EYS: variants seen among roughly 807,000 people sequenced by gnomAD.
EYS encodes the protein EGF-like photoreceptor maintenance factor, also known as protein eyes shut homolog.
In EYS, 250 loss-of-function variants were observed where a neutral mutation model predicts 282.1. The ratio of observed to expected loss-of-function variants is 0.89; its 90% CI spans 0.80 to 0.98. The LOEUF is 0.98. EYS is among the 50% of genes least tolerant of loss of function. The probability of loss-of-function intolerance (pLI) is 0.00; values close to 1 mark genes in which losing one functional copy is unlikely to be tolerated. For synonymous variants in EYS, 1,355 were observed against 1,282.9 expected (o/e 1.06, Z -1.20); for missense variants, 4,016 against 3,709.0 (o/e 1.08, Z -2.15).
chr6:65,561,072 G>T (rs1277355192), intron 2 of EYS, among the ~76,000 whole-genome samples: 4 of 152,000 alleles, frequency 2.6e-5, no homozygotes, highest in African/African-American at 9.7e-5. Flanking sequence ...GTATCTTGCG[G>T]ACAATACTAA....
chr6:63,904,519 T>C (rs1223055573), intron 35 of EYS, among the ~76,000 whole-genome samples: 1 of 152,152 alleles, frequency 6.6e-6, no homozygotes, highest in Non-Finnish European at 1.5e-5. Flanking sequence ...TCATCCTGGA[T>C]AATAGGGGAA....
rs1764656841 is a variant in EYS at position 64,813,445 on chromosome 6, G to T, written c.3376C>A (p.Leu1126Ile). The change falls in exon 22 of 43, where the codon CTT (leucine) becomes ATT (isoleucine). Residue 1126 changes from leucine to isoleucine, a missense_variant. Leu to Ile is a conservative substitution (Grantham distance 5). Transcript: ENST00000503581. Reference protein sequence around the residue: ...KSIDNCAEPELNSVICLNGGI... With the variant: ...KSIDNCAEPEINSVICLNGGI... ...CCATTAAGACAGATGACTGAATTAA[G>T]TTCAGGCTCAGCACAATTATCAATG... 1 of 1,550,266 alleles carries T rather than the reference G, an allele frequency of 6.5e-7. No homozygotes were observed. Among genetic ancestry groups the T allele is most frequent in the Non-Finnish European group, 8.7e-7 (1 of 1,146,166 alleles).
intron 12 of EYS, among the ~76,000 whole-genome samples, chr6:65,183,797 G>A (rs1279601623): frequency 6.6e-6 from 1 of 151,896 alleles, no homozygotes; most frequent in African/African-American, 2.4e-5. Flanking sequence ...ATTAGGGAAA[G>A]GTTAGGGAAA....
intron 11 of EYS, chr6:65,332,556 A>AAAC (rs1769835004): frequency 1.5e-6 from 1 of 652,914 alleles, no homozygotes; most frequent in South Asian, 2.1e-5. Flanking sequence ...CAGAGGGTTT[A>AAAC]TAGTGCTATA....
At chr6:64,569,199 C>T (rs1167145027) in intron 26 of EYS, among the ~76,000 whole-genome samples, 1 of 151,718 alleles carries the variant, frequency 6.6e-6, no homozygotes, top group Non-Finnish European at 1.5e-5. Context: ...TTCTTCAGAG[C>T]TAAAGGAGCA....
chr6:63,859,931 G>T (rs545040415), intron 36 of EYS, among the ~76,000 whole-genome samples: 1 of 152,254 alleles, frequency 6.6e-6, no homozygotes, highest in Admixed American at 6.5e-5. Context: ...GAAGAAAAGT[G>T]CTATGTAGTA....
Position 64,699,199 on chromosome 6 carries a change from T to G in EYS, c.3444-72954A>C, listed in dbSNP as rs147722787. Among the ~76,000 whole-genome samples, 79 of 152,260 alleles carry G rather than the reference T, an allele frequency of 5.2e-4. No individual in the cohort carries two copies. In the East Asian group the frequency reaches 0.01, roughly 20 times the overall value. On this transcript the variant is annotated intron_variant, in intron 22 of 42. Coordinates refer to ENST00000503581, the MANE Select transcript of EYS (RefSeq NM_001142800.2). ...AACATGGGTGGAGCTGGAGGCTTAT[T>G]ATACTTAGCAAACTAACACAGGAAC...
rs374079893 is a variant in EYS, at chr6:64,987,197, C to T, written c.2259+10385G>A. 3.3e-5 allele frequency among the ~76,000 whole-genome samples: 5 copies of T among 151,610 alleles called. No homozygotes were observed. In the South Asian group the frequency reaches 6.2e-4, roughly 19 times the overall value. On this transcript the variant is annotated intron_variant, in intron 14 of 42. Transcript: ENST00000503581. ...GTGGCTAAGTCCTATCACCTGTTAG[C>T]AGATGATTTCCGGAATCATCAGGTT... is the stretch of plus-strand genomic sequence containing the variant.
chr6:64,631,418 C>G (rs929767818), intron 22 of EYS: 1 of 152,180 alleles, frequency 6.6e-6, no homozygotes, highest in African/African-American at 2.4e-5. Context: ...TTCCCATAAT[C>G]ATTCTGCTAG....
intron 24 of EYS, among the ~76,000 whole-genome samples, chr6:64,594,746 C>A (rs1394103149): frequency 6.6e-6 from 1 of 150,650 alleles, no homozygotes; most frequent in East Asian, 2.0e-4. Flanking sequence ...TGCTAAATGA[C>A]GAGTTAATGG....
At chr6:64,571,717 A>G (rs1765731580) in intron 26 of EYS, among the ~76,000 whole-genome samples, 1 of 152,198 alleles carries the variant, frequency 6.6e-6, no homozygotes, top group Non-Finnish European at 1.5e-5. Flanking sequence ...CCCTCCCAAG[A>G]CTAAACCAGG....
chr6:64,446,826 G>T (rs544158247), intron 26 of EYS, among the ~76,000 whole-genome samples: 1 of 151,926 alleles, frequency 6.6e-6, no homozygotes, highest in Admixed American at 6.6e-5. Flanking sequence ...ATGAATAACT[G>T]CCCAAAGAAA....
chr6:63,864,854 T>C (rs75690837), intron 35 of EYS, among the ~76,000 whole-genome samples: 184 of 152,310 alleles, frequency 1.2e-3, no homozygotes, highest in Non-Finnish European at 1.9e-3. Flanking sequence ...ATAATGACTA[T>C]ATAACTCTTC....
At chr6:64,623,665 T>G (rs1225594220) in intron 23 of EYS, among the ~76,000 whole-genome samples, 3 of 151,996 alleles carry the variant, frequency 2.0e-5, no homozygotes, top group African/African-American at 7.2e-5. Flanking sequence ...AGAGAAAAAT[T>G]AGTATTCTAT....
chr6:65,395,929 A>G (rs898963676), intron 7 of EYS, among the ~76,000 whole-genome samples: 3 of 152,174 alleles, frequency 2.0e-5, no homozygotes, highest in African/African-American at 7.2e-5. Context: ...AATTTTACAT[A>G]TTAGTTAGAT....
At chr6:65,518,187 G>T (rs1767213796) in intron 2 of EYS, among the ~76,000 whole-genome samples, 1 of 152,062 alleles carries the variant, frequency 6.6e-6, no homozygotes, top group African/African-American at 2.4e-5. Context: ...CAAGCATTCT[G>T]TTATCAGTGC....
chr6:63,997,936 T>C (rs997776842), intron 34 of EYS, among the ~76,000 whole-genome samples: 6 of 152,124 alleles, frequency 3.9e-5, no homozygotes, highest in African/African-American at 1.4e-4. Context: ...TCACTATGAG[T>C]CATTCATATA....
intron 22 of EYS, among the ~76,000 whole-genome samples, chr6:64,708,533 GT>G (rs1331404543): frequency 6.6e-6 from 1 of 152,176 alleles, no homozygotes; most frequent in African/African-American, 2.4e-5. Flanking sequence ...GTTTCTGCAT[GT>G]CATGTGCCCA....
At chr6:64,487,385 C>A (rs995250785) in intron 26 of EYS, among the ~76,000 whole-genome samples, 4 of 151,016 alleles carry the variant, frequency 2.6e-5, no homozygotes, top group African/African-American at 9.7e-5. Context: ...ATGATATATG[C>A]ACTTTTCAGA....
Sources: allele counts gnomAD v4.1 joint callset (sites outside exome capture counted in the v4.1 genomes callset), GRCh38; gene constraint gnomAD v4.1.1; transcripts MANE v1.5; gene names NCBI Gene and HGNC (gene_info 2026-07-23, HGNC 2026-07-21).